The following GLA variants were observed in gnomAD, a reference collection of about 807,000 sequenced individuals.
GLA encodes the protein galactosidase alpha, also known as alpha-galactosidase A.
In GLA, 4 loss-of-function variants were observed where a neutral mutation model predicts 28.2. The ratio of observed to expected loss-of-function variants is 0.14; its 90% confidence interval spans 0.07 to 0.32. The LOEUF (loss-of-function observed/expected upper bound fraction) is 0.32, where lower values mean the gene tolerates loss of function less well. Among genes scored for constraint, GLA ranks in the 10% least tolerant of loss-of-function variants. GLA has a pLI of 1.00. For synonymous variants in GLA, 94 were observed against 113.0 expected, an observed-to-expected ratio of 0.83 and a Z score of 1.07; for missense variants, 203 against 323.7, an observed-to-expected ratio of 0.63 and a Z score of 2.86.
At chrX:101,403,135 TAA>T (rs34068797) in intron 2 of GLA, among the ~76,000 whole-genome samples, 1 of 108,176 alleles carries the variant, frequency 9.2e-6, no homozygotes, top group African/African-American at 3.4e-5. Flanking sequence ...CCGTCTCTAC[TAA>T]AAATACAAAA....
rs3027592 is a variant in GLA, at chrX:101,399,082, A to G, written c.640-136T>C. 0.05 allele frequency: 27,147 copies of G among 541,875 alleles called. 816 individuals are homozygous for G. Among genetic ancestry groups the G allele is most frequent in the African/African-American group, 0.14 (6,197 of 43,341 alleles). The allele number at this position is 541,875 out of a possible 1,213,427, so 44.7% of individuals were successfully genotyped here. A position where few individuals can be genotyped will look rare whatever the true frequency, so the allele number is the denominator to read the frequency against. ...TCTCCATAAGGAGGTCTAAACCCTT[A>G]TAATGAATTTTCACTGTAAGAAGTT... is the stretch of plus-strand genomic sequence containing the variant. On this transcript the variant is annotated intron_variant, in intron 4 of 6. Coordinates refer to ENST00000218516, the MANE Select transcript of GLA (RefSeq NM_000169.3).
chrX:101,402,112 T>C (rs1046565583), intron 2 of GLA, among the ~76,000 whole-genome samples: 2 of 112,503 alleles, frequency 1.8e-5, no homozygotes, highest in African/African-American at 6.5e-5. Context: ...AGGGAAATGA[T>C]AGATTTACCT....
chrX:101,398,653 T>C, intron 5 of GLA, 86 bp from the exon 6 acceptor site: 4 of 1,005,321 alleles, frequency 4.0e-6, no homozygotes, highest in Non-Finnish European at 5.7e-6. Context: ...GAAACCACTT[T>C]CCACAGCATC....
At chrX:101,398,140 TA>T (rs1174589330) in intron 6 of GLA, 41 bp from the exon 7 acceptor site, 1 of 1,122,150 alleles carries the variant, frequency 8.9e-7, no homozygotes, top group Non-Finnish European at 1.2e-6. Context: ...CAACTAGTGA[TA>T]AGTGGCCCTG....
intron 2 of GLA, among the ~76,000 whole-genome samples, chrX:101,402,878 A>G (rs1420400927): frequency 8.9e-6 from 1 of 112,271 alleles, no homozygotes; most frequent in African/African-American, 3.2e-5. Context: ...TACCATTGCA[A>G]TAGCTTCCTA....
At chrX:101,402,456 T>C (rs182098890) in intron 2 of GLA, among the ~76,000 whole-genome samples, 91 of 112,430 alleles carry the variant, frequency 8.1e-4, no homozygotes, top group African/African-American at 2.8e-3. Flanking sequence ...TCTACTGTGG[T>C]AGTACTGAAT....
At chrX:101,406,312 T>A (rs1211741139) in intron 1 of GLA, among the ~76,000 whole-genome samples, 2 of 110,405 alleles carry the variant, frequency 1.8e-5, no homozygotes, top group Non-Finnish European at 3.8e-5. Context: ...GGTCTTGCCA[T>A]TAGCCAAACA....
chrX:101,398,329 T>G, intron 6 of GLA, 41 bp downstream of exon 6: 2 of 1,015,810 alleles, frequency 2.0e-6, no homozygotes, highest in Non-Finnish European at 2.8e-6. Flanking sequence ...AAGTTGGTAT[T>G]GGGTATATAA....
Position 101,398,033 on chromosome X carries a change from G to A in GLA, c.1066C>T (p.Arg356Trp), listed in dbSNP as rs104894827. ...GLAWAVAMIN[R>W]QEIGGPRSYT... ...GAGCGAGGTCCACCAATCTCCTGCC[G>A]GTTTATCATAGCTACAGCCCAGGCT... The change falls in exon 7 of 7, where the codon CGG becomes TGG. Residue 356 changes from arginine to tryptophan, a missense_variant. Physicochemically the swap from Arg to Trp is moderately radical, Grantham distance 101. This residue lies in a region of GLA where 162 missense variants were observed against 246.8 expected (regional missense o/e 0.66). Coordinates refer to ENST00000218516, the MANE Select transcript of GLA (RefSeq NM_000169.3). The A allele has an allele frequency of 1.7e-6, 2 of 1,210,824 alleles. No homozygotes were observed. Among genetic ancestry groups the A allele is most frequent in the Non-Finnish European group, 2.2e-6 (2 of 894,594 alleles).
At chrX:101,398,302 G>C (rs869312460) in intron 6 of GLA, 68 bp downstream of exon 6, 38 of 886,846 alleles carry the variant, frequency 4.3e-5, no homozygotes, top group Non-Finnish European at 2.3e-5. Flanking sequence ...GAAAAAAATA[G>C]ATTTAGGCCC....
intron 1 of GLA, among the ~76,000 whole-genome samples, chrX:101,405,177 G>A (rs1292532646): frequency 1.9e-5 from 2 of 104,011 alleles, no homozygotes; most frequent in South Asian, 4.6e-4. Context: ...CGGAGGTTGC[G>A]GTGAACCGAG....
At chrX:101,399,409 A>G (rs149428693) in intron 4 of GLA, among the ~76,000 whole-genome samples, 1,312 of 112,116 alleles carry the variant, frequency 0.012, 23 homozygotes, top group African/African-American at 0.04. Flanking sequence ...TACTAAAAAT[A>G]CAAAAATTAG....
At position 101,398,058 on chromosome X, in the gene GLA, T is replaced by C. The variant is rs1555984853; in HGVS notation, c.1041A>G (p.Leu347=). 4 of 1,210,359 alleles carry C rather than the reference T, an allele frequency of 3.3e-6. No homozygotes were observed. The South Asian group carries it at 7.0e-5, about 21-fold the overall frequency. Residue 347 remains leucine, a synonymous_variant, in exon 7 of 7, where the codon TTA becomes TTG. Coordinates refer to ENST00000218516, the MANE Select transcript of GLA (RefSeq NM_000169.3). ...GGTTTATCATAGCTACAGCCCAGGC[T>C]AAGCCTGAGAGAGGTCGTTCCCACA... ...FEVWERPLSG[L]AWAVAMINRQ...
At chrX:101,405,891 C>T (rs1351627190) in intron 1 of GLA, among the ~76,000 whole-genome samples, 2 of 106,638 alleles carry the variant, frequency 1.9e-5, no homozygotes, top group Non-Finnish European at 3.9e-5. Flanking sequence ...GCACTCCAAC[C>T]TGGGTGACAG....
chrX:101,405,663 G>A (rs906135750), intron 1 of GLA, among the ~76,000 whole-genome samples: 1 of 111,238 alleles, frequency 9.0e-6, no homozygotes, highest in Non-Finnish European at 1.9e-5. Flanking sequence ...GCTCACACCT[G>A]TAATCCCAGC....
chrX:101,399,284 AG>A (rs1555985246), intron 4 of GLA, among the ~76,000 whole-genome samples: 1 of 112,924 alleles, frequency 8.9e-6, no homozygotes, highest in African/African-American at 3.2e-5. Context: ...AAGTTTGTAG[AG>A]GCTGGGCACG....
chrX:101,400,938 TGAC>T, intron 3 of GLA, 181 bp from the exon 4 acceptor site: 1 of 300,455 alleles, frequency 3.3e-6, no homozygotes, highest in Non-Finnish European at 5.8e-6. Flanking sequence ...CAGGTTCAAG[TGAC>T]TCTTCTGTCT....
chrX:101,398,460 G>A lies in GLA; in HGVS notation c.909C>T (p.Ile303=). ...GAAGGAGAGCTTTGGCTTGAGGGCT[G>A]ATGTGTCGGAGGTCATTAGACATGA... ...PLFMSNDLRH[I]SPQAKALLQD... is the part of the protein sequence containing the mutation. Residue 303 remains isoleucine (I), a synonymous_variant, in exon 6 of 7, where the codon ATC becomes ATT. Coordinates refer to ENST00000218516, the MANE Select transcript of GLA (RefSeq NM_000169.3). 1 of 1,204,926 alleles carries A rather than the reference G, an allele frequency of 8.3e-7. No individual in the cohort carries two copies. Among genetic ancestry groups the A allele is most frequent in the South Asian group, 1.8e-5 (1 of 56,833 alleles).
At chrX:101,402,627 G>C (rs1928355604) in intron 2 of GLA, among the ~76,000 whole-genome samples, 1 of 111,397 alleles carries the variant, frequency 9.0e-6, no homozygotes, top group African/African-American at 3.3e-5. Flanking sequence ...GCCGGGCGTG[G>C]TGGTGTGCGC....
Sources: gnomAD v4.1 joint callset for allele counts (sites outside exome capture counted in the v4.1 genomes callset) on GRCh38, gnomAD v4.1.1 for gene constraint, gnomAD v4.1.1 regional missense constraint, MANE v1.5 for transcripts, NCBI Gene and HGNC (gene_info 2026-07-23, HGNC 2026-07-21) for gene names.